Variants in PAH observed in about 807,000 individuals in gnomAD.
PAH encodes the protein phenylalanine-4-hydroxylase.
In PAH, 64 loss-of-function variants were observed where a neutral mutation model predicts 62.0. The ratio of observed to expected loss-of-function variants is 1.03; its 90% CI spans 0.84 to 1.27. The LOEUF (loss-of-function observed/expected upper bound fraction) is 1.27. PAH is among the 50% of genes most tolerant of loss of function. PAH has a pLI of 0.00. For missense variants in PAH, 579 were observed against 542.8 expected (o/e 1.07, Z -0.66); for synonymous variants, 195 against 196.2 (o/e 0.99, Z 0.05).
upstream of PAH, chr12:102,953,814 T>A (rs562646951): frequency 1.3e-5 from 2 of 152,280 alleles, no homozygotes; most frequent in East Asian, 1.9e-4. Flanking sequence ...CCCACCCTCA[T>A]GACAAGACAG....
chr12:102,956,804 G>T (rs1056142936), intron 1 of PAH, among the ~76,000 whole-genome samples: 4 of 151,854 alleles, frequency 2.6e-5, no homozygotes, highest in Non-Finnish European at 5.9e-5. Context: ...CCACCTACAG[G>T]ACGGCTCACA....
At chr12:102,875,312 G>A (rs1168084358) in intron 4 of PAH, among the ~76,000 whole-genome samples, 2 of 152,192 alleles carry the variant, frequency 1.3e-5, no homozygotes, top group African/African-American at 2.4e-5. Context: ...AGGATACAGG[G>A]AGAAAAATGT....
At chr12:102,901,474 A>G (rs1026743965) in intron 2 of PAH, among the ~76,000 whole-genome samples, 2 of 152,196 alleles carry the variant, frequency 1.3e-5, no homozygotes, top group African/African-American at 4.8e-5. Context: ...GGTACTCCTT[A>G]TACTCTGCCT....
intron 9 of PAH, among the ~76,000 whole-genome samples, chr12:102,844,842 A>T (rs1211681210): frequency 6.6e-6 from 1 of 152,138 alleles, no homozygotes; most frequent in East Asian, 1.9e-4. Flanking sequence ...TATACCATCA[A>T]CTTCCATGGT....
intron 9 of PAH, among the ~76,000 whole-genome samples, chr12:102,845,509 C>A (rs1308654854): frequency 6.6e-5 from 10 of 152,118 alleles, no homozygotes; most frequent in African/African-American, 2.4e-4. Context: ...ATGCAAATAA[C>A]CAAGTACTTT....
At chr12:102,941,222 T>C (rs146812804) in intron 1 of PAH, among the ~76,000 whole-genome samples, 4 of 152,182 alleles carry the variant, frequency 2.6e-5, no homozygotes, top group East Asian at 3.9e-4. Context: ...AATAAGTACA[T>C]AGACCACTGA....
At chr12:102,848,913 G>C (rs975162961) in intron 8 of PAH, among the ~76,000 whole-genome samples, 2 of 152,000 alleles carry the variant, frequency 1.3e-5, no homozygotes, top group African/African-American at 4.8e-5. Flanking sequence ...AAGGAGACTG[G>C]AGAGGCTGAG....
chr12:102,899,858 C>CAAAAAAAAAAAAA (rs1166069532), intron 2 of PAH, among the ~76,000 whole-genome samples: 6 of 9,538 alleles, frequency 6.3e-4, no homozygotes, highest in African/African-American at 2.0e-3. Flanking sequence ...GACTCCGTCT[C>CAAAAAAAAAAAAA]AAAAAAAAAA....
chr12:102,924,003 G>C (rs1878620576), intron 1 of PAH, among the ~76,000 whole-genome samples: 1 of 152,208 alleles, frequency 6.6e-6, no homozygotes, highest in Non-Finnish European at 1.5e-5. Flanking sequence ...GAGTTAGGCA[G>C]TTTCTACACC....
rs963805241 is a variant in PAH at position 102,877,673 on chromosome 12, C to A, written c.353-123G>T. 13 of 757,724 alleles carry A rather than the reference C, an allele frequency of 1.7e-5. 1 individual carries two copies. The Admixed American group carries it at 2.3e-4, about 13-fold the overall frequency. The allele number at this position is 757,724 out of a possible 1,614,324, so 46.9% of individuals were successfully genotyped here. A position where few individuals can be genotyped will look rare whatever the true frequency, so the allele number is the denominator to read the frequency against. On this transcript the variant is annotated intron_variant, in intron 3 of 12. Coordinates refer to ENST00000553106, the MANE Select transcript of PAH (RefSeq NM_000277.3). ...GGCAAGTGGGCTGGCTTCCAGATAA[C>A]CCCCAAATTACTATCGTTCAAAAGT...
chr12:102,848,284 G>A (rs765780530), intron 8 of PAH, among the ~76,000 whole-genome samples: 65 of 141,768 alleles, frequency 4.6e-4, no homozygotes, highest in Non-Finnish European at 2.2e-4. Flanking sequence ...CAGGAGACTG[G>A]AGAGGTTAAG....
At chr12:102,924,978 G>C (rs75075451) in intron 1 of PAH, among the ~76,000 whole-genome samples, 4,811 of 152,232 alleles carry the variant, frequency 0.032, 264 homozygotes, top group African/African-American at 0.11. Flanking sequence ...TGCTTGGCAA[G>C]TTGATAGGAA....
At chr12:102,859,584 G>A (rs1235614165) in intron 5 of PAH, among the ~76,000 whole-genome samples, 4 of 152,092 alleles carry the variant, frequency 2.6e-5, no homozygotes, top group Non-Finnish European at 5.9e-5. Flanking sequence ...ATAAAATACT[G>A]GCAAACCGAA....
intron 2 of PAH, among the ~76,000 whole-genome samples, chr12:102,897,492 T>TATATATATATATATATA (rs1379613102): frequency 2.9e-5 from 4 of 137,462 alleles, no homozygotes; most frequent in African/African-American, 1.3e-4. Flanking sequence ...TATATATATA[T>TATATATATATATATATA]AATTCAAACT....
At chr12:102,938,170 CACCAAGGATTG>C (rs1879168760) in intron 1 of PAH, among the ~76,000 whole-genome samples, 1 of 152,160 alleles carries the variant, frequency 6.6e-6, no homozygotes, top group Non-Finnish European at 1.5e-5. Flanking sequence ...GACAGCTGCC[CACCAAGGATTG>C]GCATGGAAGC....
chr12:102,884,529 TTCC>T (rs1309951955), intron 3 of PAH, among the ~76,000 whole-genome samples: 47 of 152,332 alleles, frequency 3.1e-4, no homozygotes, highest in Middle Eastern at 3.4e-3. Flanking sequence ...AACTACTTAA[TTCC>T]TGCGTCTCTG....
intron 4 of PAH, among the ~76,000 whole-genome samples, chr12:102,868,908 A>AT (rs1455964664): frequency 6.6e-6 from 1 of 152,216 alleles, no homozygotes; most frequent in Non-Finnish European, 1.5e-5. Context: ...TAAGGATAAT[A>AT]TGTAGACTTT....
intron 1 of PAH, among the ~76,000 whole-genome samples, chr12:102,937,495 A>G (rs1879141163): frequency 2.6e-5 from 4 of 152,172 alleles, no homozygotes. Flanking sequence ...TAATCCGATG[A>G]CAACTTAACG....
chr12:102,929,776 T>A (rs1592996201), intron 1 of PAH, among the ~76,000 whole-genome samples: 2 of 152,230 alleles, frequency 1.3e-5, no homozygotes, highest in Middle Eastern at 6.8e-3. Flanking sequence ...GAGAAAAATT[T>A]AGAAATTTTA....
Sources: allele counts gnomAD v4.1 joint callset (sites outside exome capture counted in the v4.1 genomes callset), GRCh38; gene constraint gnomAD v4.1.1; transcripts MANE v1.5; gene names NCBI Gene and HGNC (gene_info 2026-07-23, HGNC 2026-07-21).